The following MARCHF1 variants were observed in gnomAD, a reference collection of about 807,000 sequenced individuals.
MARCHF1 encodes E3 ubiquitin-protein ligase MARCHF1.
Under a neutral mutation model 54.2 loss-of-function variants are expected in MARCHF1, and 40 were observed. The ratio of observed to expected loss-of-function variants is 0.74; its 90% confidence interval spans 0.57 to 0.96. The LOEUF (loss-of-function observed/expected upper bound fraction) is 0.96, where lower values mean the gene tolerates loss of function less well. Ranked by LOEUF, MARCHF1 falls within the 40% of genes least tolerant of loss-of-function variation. The pLI, the probability that MARCHF1 is intolerant of heterozygous loss-of-function variation, is 0.00. For synonymous variants in MARCHF1, 236 were observed against 236.3 expected, an observed-to-expected ratio of 1.00 and a Z score of 0.01; for missense variants, 586 against 656.5, an observed-to-expected ratio of 0.89 and a Z score of 1.17.
intron 5 of MARCHF1, among the ~76,000 whole-genome samples, chr4:163,635,408 G>T (rs1253964092): frequency 2.0e-5 from 3 of 150,300 alleles, no homozygotes. Context: ...ATGATAAAGG[G>T]GATATCACCA....
chr4:163,635,838 A>C (rs989342360), intron 5 of MARCHF1, among the ~76,000 whole-genome samples: 2 of 152,186 alleles, frequency 1.3e-5, no homozygotes, highest in Non-Finnish European at 2.9e-5. Flanking sequence ...TGATGCAAAA[A>C]TCCTCAATAA....
intron 4 of MARCHF1, among the ~76,000 whole-genome samples, chr4:163,752,492 T>C (rs1421500346): frequency 6.6e-6 from 1 of 152,198 alleles, no homozygotes; most frequent in East Asian, 1.9e-4. Flanking sequence ...GACTTTAGCC[T>C]CAGTTTCTTT....
chr4:163,732,704 G>A (rs1363896308), intron 4 of MARCHF1, among the ~76,000 whole-genome samples: 1 of 148,200 alleles, frequency 6.7e-6, no homozygotes, highest in East Asian at 1.9e-4. Flanking sequence ...AGAAAACAGT[G>A]GAGCAACAGT....
intron 2 of MARCHF1, among the ~76,000 whole-genome samples, chr4:164,094,928 CA>C (rs908777524): frequency 2.0e-5 from 3 of 152,096 alleles, no homozygotes; most frequent in African/African-American, 4.8e-5. Context: ...CTTTACATTA[CA>C]AAAGATAACT....
chr4:164,057,100 C>T (rs967870530), intron 2 of MARCHF1, among the ~76,000 whole-genome samples: 1 of 152,104 alleles, frequency 6.6e-6, no homozygotes, highest in Non-Finnish European at 1.5e-5. Flanking sequence ...AAGAAAGATA[C>T]AACAGAATAA....
chr4:164,048,612 G>A (rs1754290445), intron 2 of MARCHF1, among the ~76,000 whole-genome samples: 1 of 152,068 alleles, frequency 6.6e-6, no homozygotes, highest in African/African-American at 2.4e-5. Flanking sequence ...TAAAAAGAAT[G>A]ATGTCTTTGT....
chr4:163,531,079 TGTTC>T (rs1579033594), intron 9 of MARCHF1, among the ~76,000 whole-genome samples: 1 of 151,896 alleles, frequency 6.6e-6, no homozygotes, highest in East Asian at 1.9e-4. Flanking sequence ...ATGACATCAA[TGTTC>T]TACAGTCTTT....
intron 1 of MARCHF1, among the ~76,000 whole-genome samples, chr4:164,321,492 A>AC (rs1264328788): frequency 6.6e-6 from 1 of 152,010 alleles, no homozygotes; most frequent in Non-Finnish European, 1.5e-5. Context: ...GGATAAAAAA[A>AC]AAAACTATTC....
intron 1 of MARCHF1, among the ~76,000 whole-genome samples, chr4:164,309,978 A>T (rs1446556516): frequency 6.6e-6 from 1 of 152,050 alleles, no homozygotes; most frequent in African/African-American, 2.4e-5. Context: ...ACAACAAATC[A>T]TGTTCCTTTT....
intron 4 of MARCHF1, among the ~76,000 whole-genome samples, chr4:163,778,442 G>C (rs1195725808): frequency 2.0e-5 from 3 of 152,046 alleles, no homozygotes; most frequent in African/African-American, 7.2e-5. Flanking sequence ...ATTTCATATT[G>C]CTATACTGAA....
At chr4:164,176,712 C>A (rs1000492079) in intron 1 of MARCHF1, among the ~76,000 whole-genome samples, 1 of 151,464 alleles carries the variant, frequency 6.6e-6, no homozygotes, top group Non-Finnish European at 1.5e-5. Flanking sequence ...TTTCACACAG[C>A]TGCCTCATGG....
chr4:164,136,018 TGAAAAGATACAGA>T (rs1183265225), intron 1 of MARCHF1, among the ~76,000 whole-genome samples: 1 of 151,842 alleles, frequency 6.6e-6, no homozygotes, highest in South Asian at 2.1e-4. Context: ...GGTAGAAAAA[TGAAAAGATACAGA>T]GAAAAGATAC....
At chr4:163,839,191 T>C (rs1749270178) in intron 4 of MARCHF1, among the ~76,000 whole-genome samples, 1 of 152,118 alleles carries the variant, frequency 6.6e-6, no homozygotes, top group African/African-American at 2.4e-5. Context: ...CCAATTAGCA[T>C]GGCTATAAAA....
Position 164,176,951 on chromosome 4 carries a change from T to G in MARCHF1, c.-322-65289A>C, listed in dbSNP as rs1411153760. On this transcript the variant is annotated intron_variant, in intron 1 of 9. Transcript: ENST00000514618. ...CTGAGTACCTTGTGCGCTCTCTCTC[T>G]CTCTCTCTCTCTCTCTCTCTCTCTC... is the stretch of plus-strand genomic sequence containing the variant. Among the ~76,000 whole-genome samples, 40 of 37,062 alleles carry G rather than the reference T, an allele frequency of 1.1e-3. 1 individual carries two copies. The highest frequency in any genetic ancestry group is 8.6e-3 in the Admixed American group (27 of 3,124). 24.3% of individuals were successfully genotyped at this position (37,062 alleles called of 152,430 possible).
chr4:163,624,356 C>A (rs960059537), intron 5 of MARCHF1, among the ~76,000 whole-genome samples: 1 of 152,200 alleles, frequency 6.6e-6, no homozygotes, highest in African/African-American at 2.4e-5. Context: ...GCGGTCAATT[C>A]TTGGAGAGCT....
intron 5 of MARCHF1, among the ~76,000 whole-genome samples, chr4:163,617,274 A>G (rs567374724): frequency 1.3e-5 from 2 of 152,330 alleles, no homozygotes; most frequent in South Asian, 4.1e-4. Context: ...TAACAGATAC[A>G]AAATTACAGC....
chr4:163,930,991 G>T (rs1164462839), intron 3 of MARCHF1, among the ~76,000 whole-genome samples: 2 of 152,002 alleles, frequency 1.3e-5, no homozygotes, highest in Non-Finnish European at 2.9e-5. Context: ...CTAGAGATGG[G>T]GACTTTAGGA....
rs377587002 is a variant in MARCHF1 at position 163,563,521 on chromosome 4, A to C, written c.1192-17778T>G. Among the ~76,000 whole-genome samples, 6 of 152,336 alleles carry C rather than the reference A, an allele frequency of 3.9e-5. No homozygotes were observed. The East Asian group carries it at 1.2e-3, about 29-fold the overall frequency. On this transcript the variant is annotated intron_variant, in intron 8 of 9. Transcript: ENST00000514618. Reference sequence around the variant, plus strand: ...AGCATTTTCTAATACACCCAGGCAGAAATGATCCCTCCCTACCCTGAACTA... The same window carrying C: ...AGCATTTTCTAATACACCCAGGCAGCAATGATCCCTCCCTACCCTGAACTA...
At chr4:163,881,289 A>G (rs1414373552) in intron 3 of MARCHF1, among the ~76,000 whole-genome samples, 1 of 152,196 alleles carries the variant, frequency 6.6e-6, no homozygotes, top group African/African-American at 2.4e-5. Flanking sequence ...AGCCTGGCCA[A>G]CATGGCAAAA....
Sources: allele counts gnomAD v4.1 joint callset (sites outside exome capture counted in the v4.1 genomes callset), GRCh38; gene constraint gnomAD v4.1.1; transcripts MANE v1.5; gene names NCBI Gene and HGNC (gene_info 2026-07-23, HGNC 2026-07-21).